Variants in PAK2 observed in about 807,000 individuals in gnomAD.
The protein encoded by PAK2 is serine/threonine-protein kinase PAK 2.
Under a neutral mutation model 65.9 loss-of-function variants are expected in PAK2, and 21 were observed. The ratio of observed to expected loss-of-function variants is 0.32; its 90% CI spans 0.23 to 0.46. PAK2 has a LOEUF of 0.46. PAK2 is among the 20% of genes least tolerant of loss of function. The pLI is 1.00. For synonymous variants in PAK2, 204 were observed against 219.7 expected (o/e 0.93, Z 0.63); for missense variants, 324 against 642.6 (o/e 0.50, Z 5.36).
chr3:196,821,683 CATAA>C (rs541293541), intron 13 of PAK2, among the ~76,000 whole-genome samples: 11 of 151,992 alleles, frequency 7.2e-5, no homozygotes, highest in Non-Finnish European at 1.5e-4. Flanking sequence ...ACTCCGTCTC[CATAA>C]ATAAATAAAT....
chr3:196,819,520 GT>G (rs1344106141), intron 12 of PAK2, among the ~76,000 whole-genome samples: 4 of 152,162 alleles, frequency 2.6e-5, no homozygotes, highest in African/African-American at 9.7e-5. Context: ...TTTTACCAAA[GT>G]TTACAGAGTA....
At chr3:196,752,983 A>ATT (rs201662955) in intron 1 of PAK2, among the ~76,000 whole-genome samples, 3 of 147,136 alleles carry the variant, frequency 2.0e-5, no homozygotes, top group African/African-American at 2.5e-5. Context: ...GAGAAAAAAA[A>ATT]ATTTTTTTTT....
intron 13 of PAK2, among the ~76,000 whole-genome samples, chr3:196,823,411 A>C (rs1292529171): frequency 3.3e-5 from 5 of 152,016 alleles, no homozygotes; most frequent in Non-Finnish European, 7.4e-5. Context: ...CTGTGGCAAA[A>C]AGGTCTACTT....
At position 196,832,007 on chromosome 3, in the gene PAK2, C is replaced by T. The variant is rs1169143522; in HGVS notation, c.*3602C>T. ...AAAATAGATACACACATTCTTTTTT[C>T]TCAGTCAACACATTGATTGAACACT... On this transcript the variant is annotated 3_prime_UTR_variant, in exon 15 of 15. Transcript: ENST00000327134. The T allele has an allele frequency of 6.6e-6, 1 of 152,154 alleles. No homozygotes were observed. The allele number at this position is 152,154 out of a possible 1,614,324, so 9.4% of individuals were successfully genotyped here.
chr3:196,762,494 A>G (rs1017260015), intron 1 of PAK2, among the ~76,000 whole-genome samples: 1 of 150,756 alleles, frequency 6.6e-6, no homozygotes, highest in African/African-American at 2.4e-5. Context: ...TAGGGGCTGG[A>G]GACCGGCCCG....
rs572372163 is a variant in PAK2, at chr3:196,752,594, ATTTGTTTG to A, written c.-22+12454_-22+12461del. Among the ~76,000 whole-genome samples, 105 of 151,276 alleles carry A rather than the reference ATTTGTTTG, an allele frequency of 6.9e-4. 1 individual carries two copies. The highest frequency in any genetic ancestry group is 2.7e-3 in the South Asian group (13 of 4,784). On this transcript the variant is annotated intron_variant, in intron 1 of 14. Transcript: ENST00000327134. ...TTCTTTTGGTAATTTTGTTTTATTT[ATTTGTTTG>A]TTTGTTTGTTTGTTTGAGACAGAGT...
intron 4 of PAK2, among the ~76,000 whole-genome samples, chr3:196,804,567 A>G (rs1448141085): frequency 6.6e-6 from 1 of 152,130 alleles, no homozygotes; most frequent in Non-Finnish European, 1.5e-5. Flanking sequence ...TCCCGGGTTC[A>G]AGCAATTCTC....
intron 11 of PAK2, among the ~76,000 whole-genome samples, 190 bp from the exon 12 acceptor site, chr3:196,817,847 TTTTATTTTCTTATATAAAAC>T (rs1229670011): frequency 6.6e-6 from 1 of 152,106 alleles, no homozygotes; most frequent in Non-Finnish European, 1.5e-5. Flanking sequence ...TTTTAAAAAA[TTTTATTTTCTTATATAAAAC>T]TTTAAGGAGG....
chr3:196,810,279 A>C (rs1444899485), intron 7 of PAK2, among the ~76,000 whole-genome samples: 1 of 152,092 alleles, frequency 6.6e-6, no homozygotes, highest in Non-Finnish European at 1.5e-5. Flanking sequence ...AAACTGGTAC[A>C]GTCTTTTCAA....
intron 1 of PAK2, among the ~76,000 whole-genome samples, chr3:196,772,166 G>A (rs1344937101): frequency 2.6e-5 from 4 of 152,056 alleles, no homozygotes; most frequent in Admixed American, 6.6e-5. Context: ...CTGTCCAGAG[G>A]GATTTATTCC....
Position 196,820,627 on chromosome 3 carries a change from C to A in PAK2, c.1350+60C>A. ...TTTTCTTTGAAACTCTTATTTAGAA[C>A]TTGCACGTGCCTGGCACTGTCCAAG... On this transcript the variant is annotated intron_variant, in intron 13 of 14. Transcript: ENST00000327134. The surrounding 1 kb of genome is among the most constrained non-coding windows in gnomAD (Gnocchi z 4.6). The A allele has an allele frequency of 1.1e-6, 1 of 927,740 alleles. No homozygotes were observed. Among genetic ancestry groups the A allele is most frequent in the Non-Finnish European group, 1.6e-6 (1 of 615,958 alleles). The allele number at this position is 927,740 out of a possible 1,614,324, so 57.5% of individuals were successfully genotyped here.
chr3:196,814,664 G>A, intron 11 of PAK2, 96 bp downstream of exon 11: 1 of 704,462 alleles, frequency 1.4e-6, no homozygotes. Flanking sequence ...GTTATTGTGG[G>A]AGGTGCTTTC....
At chr3:196,768,178 A>G (rs956317104) in intron 1 of PAK2, among the ~76,000 whole-genome samples, 3 of 152,130 alleles carry the variant, frequency 2.0e-5, no homozygotes, top group Admixed American at 2.0e-4. Flanking sequence ...AGTTGTGAGC[A>G]CATTGCAAAA....
chr3:196,808,860 C>T (rs1715677775), intron 7 of PAK2, among the ~76,000 whole-genome samples: 1 of 151,338 alleles, frequency 6.6e-6, no homozygotes, highest in South Asian at 2.1e-4. Context: ...GACTCAGTCT[C>T]AAAAAATAAT....
intron 2 of PAK2, 108 bp downstream of exon 2, chr3:196,782,941 T>C: frequency 1.6e-6 from 1 of 637,132 alleles, no homozygotes; most frequent in Non-Finnish European, 2.7e-6. Flanking sequence ...ATGAAAACAA[T>C]CGGTGCTAAT....
chr3:196,829,785 A>G lies in PAK2; in HGVS notation c.*1380A>G, dbSNP rs888334902. The G allele has an allele frequency of 2.6e-5, 4 of 152,232 alleles. No homozygotes were observed. The highest frequency in any genetic ancestry group is 7.2e-5 in the African/African-American group (3 of 41,458). 9.4% of individuals were successfully genotyped at this position (152,232 alleles called of 1,614,324 possible). ...TTCAAATAAGTAGAGACTATTGTAA[A>G]AAACGAGAAAGGAAAATGAAATGTG... is the stretch of plus-strand genomic sequence containing the variant. On this transcript the variant is annotated 3_prime_UTR_variant, in exon 15 of 15. Coordinates refer to ENST00000327134, the MANE Select transcript of PAK2 (RefSeq NM_002577.4).
intron 11 of PAK2, among the ~76,000 whole-genome samples, chr3:196,817,500 A>C (rs1376295396): frequency 6.6e-6 from 1 of 152,022 alleles, no homozygotes; most frequent in African/African-American, 2.4e-5. Context: ...ACAGGTGCAC[A>C]CCACCACACC....
chr3:196,825,487 C>CA (rs1168271801), intron 13 of PAK2, among the ~76,000 whole-genome samples: 22 of 150,362 alleles, frequency 1.5e-4, no homozygotes, highest in East Asian at 3.9e-4. Flanking sequence ...ACTGAAAATA[C>CA]AAAAAATTAG....
chr3:196,823,358 G>A (rs1316451380), intron 13 of PAK2, among the ~76,000 whole-genome samples: 1 of 152,174 alleles, frequency 6.6e-6, no homozygotes, highest in African/African-American at 2.4e-5. Flanking sequence ...ATAGCCAGGA[G>A]TACGCTCAGG....
Sources: allele counts gnomAD v4.1 joint callset (sites outside exome capture counted in the v4.1 genomes callset), GRCh38; gene constraint gnomAD v4.1.1; non-coding constraint Gnocchi (gnomAD v3.1); transcripts MANE v1.5; gene names NCBI Gene and HGNC (gene_info 2026-07-23, HGNC 2026-07-21).